GFRA1: variants seen among roughly 807,000 people sequenced by gnomAD.
The protein encoded by GFRA1 is GDNF family receptor alpha 1.
Under a neutral mutation model 51.6 loss-of-function variants are expected in GFRA1, and 16 were observed. That is an observed-to-expected ratio of 0.31 (90% CI 0.21 to 0.47). The LOEUF is 0.47. Ranked by LOEUF, GFRA1 falls within the 20% of genes least tolerant of loss-of-function variation. GFRA1 has a pLI of 1.00. For synonymous variants in GFRA1, 270 were observed against 241.3 expected, an observed-to-expected ratio of 1.12 and a Z score of -1.10; for missense variants, 530 against 594.3, an observed-to-expected ratio of 0.89 and a Z score of 1.13.
intron 4 of GFRA1, among the ~76,000 whole-genome samples, chr10:116,260,415 T>G (rs1315376058): frequency 2.0e-5 from 3 of 152,234 alleles, no homozygotes; most frequent in Non-Finnish European, 4.4e-5. Context: ...TATACGTGTT[T>G]ATAAAGATGT....
chr10:116,255,832 G>A, intron 4 of GFRA1: 1 of 997,472 alleles, frequency 1.0e-6, no homozygotes, highest in Non-Finnish European at 1.4e-6. Flanking sequence ...AAAAACCTGA[G>A]TTACTGCTTA....
At chr10:116,188,778 G>A (rs1431642521) in intron 5 of GFRA1, among the ~76,000 whole-genome samples, 1 of 151,778 alleles carries the variant, frequency 6.6e-6, no homozygotes, top group African/African-American at 2.4e-5. Context: ...GTGCATGCCT[G>A]TAATCCCAGC....
intron 5 of GFRA1, among the ~76,000 whole-genome samples, chr10:116,180,325 A>T (rs183682504): frequency 1.6e-4 from 25 of 152,308 alleles, no homozygotes; most frequent in African/African-American, 4.3e-4. Flanking sequence ...ATACAAGCCA[A>T]ATACTTATAC....
intron 5 of GFRA1, among the ~76,000 whole-genome samples, chr10:116,208,873 C>T (rs191488208): frequency 6.6e-6 from 1 of 152,326 alleles, no homozygotes; most frequent in Non-Finnish European, 1.5e-5. Context: ...CCTAGACACA[C>T]ATGCACATAC....
intron 4 of GFRA1, among the ~76,000 whole-genome samples, chr10:116,247,235 C>T (rs962809160): frequency 2.0e-5 from 3 of 152,126 alleles, no homozygotes; most frequent in African/African-American, 4.8e-5. Flanking sequence ...CACTCCATGT[C>T]CTCAATTCAT....
intron 4 of GFRA1, among the ~76,000 whole-genome samples, chr10:116,224,495 AAAT>A (rs1456055075): frequency 6.6e-6 from 1 of 152,246 alleles, no homozygotes; most frequent in Non-Finnish European, 1.5e-5. Flanking sequence ...CCACACAATG[AAAT>A]AATATTTGGC....
intron 9 of GFRA1, among the ~76,000 whole-genome samples, chr10:116,069,448 G>C (rs568246461): frequency 1.6e-3 from 238 of 152,150 alleles, no homozygotes; most frequent in African/African-American, 5.6e-3. Flanking sequence ...CAAACCAAAC[G>C]CCTTCCCTAC....
intron 9 of GFRA1, among the ~76,000 whole-genome samples, chr10:116,084,598 C>A (rs143950355): frequency 1.3e-5 from 2 of 152,162 alleles, no homozygotes; most frequent in Non-Finnish European, 2.9e-5. Context: ...AGTCCCAAGG[C>A]TATAGCTCCC....
At chr10:116,073,648 G>T (rs1955498732) in intron 9 of GFRA1, among the ~76,000 whole-genome samples, 1 of 152,146 alleles carries the variant, frequency 6.6e-6, no homozygotes, top group Admixed American at 6.5e-5. Context: ...TTCTCAGAAT[G>T]TGCAGTTGGG....
At chr10:116,111,790 T>C (rs776747897) in intron 6 of GFRA1, among the ~76,000 whole-genome samples, 2 of 152,142 alleles carry the variant, frequency 1.3e-5, no homozygotes, top group Non-Finnish European at 2.9e-5. Context: ...CTAGACCTCA[T>C]GAATAGAAAA....
rs565582031 is a variant in GFRA1 at position 116,235,448 on chromosome 10, A to G, written c.419-23803T>C. On this transcript the variant is annotated intron_variant, in intron 4 of 10. Coordinates refer to ENST00000355422, the MANE Select transcript of GFRA1 (RefSeq NM_005264.8). ...AATCCCTTGCTAAAGTCCTGCACCA[A>G]AACTGCTGCCCCTCTAAGCACCAAG... Among the ~76,000 whole-genome samples, 88 of 152,234 alleles carry G rather than the reference A, an allele frequency of 5.8e-4. 1 individual carries two copies. Among genetic ancestry groups the G allele is most frequent in the Middle Eastern group, 6.8e-3 (2 of 294 alleles).
At chr10:116,201,885 T>C (rs1964362513) in intron 5 of GFRA1, among the ~76,000 whole-genome samples, 1 of 152,116 alleles carries the variant, frequency 6.6e-6, no homozygotes, top group South Asian at 2.1e-4. Context: ...GATTTTTGGA[T>C]CCAAGAATAA....
intron 9 of GFRA1, among the ~76,000 whole-genome samples, chr10:116,083,434 C>A (rs1955945576): frequency 1.3e-5 from 2 of 152,226 alleles, no homozygotes; most frequent in African/African-American, 4.8e-5. Flanking sequence ...CCAAAGCATC[C>A]CATTGCTCTG....
At chr10:116,133,844 AT>A (rs1958208167) in intron 5 of GFRA1, among the ~76,000 whole-genome samples, 1 of 152,332 alleles carries the variant, frequency 6.6e-6, no homozygotes, top group East Asian at 1.9e-4. Flanking sequence ...AGTGTCAGGG[AT>A]GAATTATGTC....
chr10:116,094,138 T>C (rs1233385291), intron 7 of GFRA1, among the ~76,000 whole-genome samples: 1 of 152,196 alleles, frequency 6.6e-6, no homozygotes, highest in Admixed American at 6.5e-5. Context: ...AGAGAACGCA[T>C]GAGTTGCCAA....
rs1844028757 is a variant in GFRA1, at chr10:116,272,408, T to A, written c.-246-133A>T. 1 of 354,124 alleles carries A rather than the reference T, an allele frequency of 2.8e-6. No homozygotes were observed. Among genetic ancestry groups the A allele is most frequent in the Admixed American group, 4.0e-5 (1 of 24,756 alleles). The allele number at this position is 354,124 out of a possible 1,614,324, so 21.9% of individuals were successfully genotyped here. A position where few individuals can be genotyped will look rare whatever the true frequency, so the allele number is the denominator to read the frequency against. ...GGGTGAGGACCCACCCCCACCCAGG[T>A]CGGGGTGCATGTGCGTGTTTTCCAG... On this transcript the variant is annotated intron_variant, in intron 1 of 10. Coordinates refer to ENST00000355422, the MANE Select transcript of GFRA1 (RefSeq NM_005264.8). The surrounding 1 kb of genome is among the most constrained non-coding windows in gnomAD (Gnocchi z 4.4).
chr10:116,144,380 A>T (rs923498832), intron 5 of GFRA1, among the ~76,000 whole-genome samples: 6 of 152,232 alleles, frequency 3.9e-5, no homozygotes, highest in African/African-American at 1.4e-4. Context: ...TACACATTCA[A>T]ATTCAATTCA....
intron 5 of GFRA1, among the ~76,000 whole-genome samples, chr10:116,142,367 T>C (rs1471291417): frequency 1.3e-5 from 2 of 152,232 alleles, no homozygotes; most frequent in East Asian, 3.8e-4. Context: ...AAAAGCCCTG[T>C]GCATCTTTCA....
At position 116,254,426 on chromosome 10, in the gene GFRA1, C is replaced by T. The variant is rs147986233; in HGVS notation, c.418+15077G>A. ...GTGGCTTATGCCTATAATCCCAACACTTTGAGAGGCCAAGGCAGGAGGATT... is the reference window on the plus strand; with the variant it reads ...GTGGCTTATGCCTATAATCCCAACATTTTGAGAGGCCAAGGCAGGAGGATT... On this transcript the variant is annotated intron_variant, in intron 4 of 10. Transcript: ENST00000355422. 5.8e-3 allele frequency among the ~76,000 whole-genome samples: 877 copies of T among 151,540 alleles called. 5 individuals carry two copies. The highest frequency in any genetic ancestry group is 0.02 in the African/African-American group (818 of 41,318).
Sources: gnomAD v4.1 joint callset for allele counts (sites outside exome capture counted in the v4.1 genomes callset) on GRCh38, gnomAD v4.1.1 for gene constraint, Gnocchi (gnomAD v3.1) non-coding constraint, MANE v1.5 for transcripts, NCBI Gene and HGNC (gene_info 2026-07-23, HGNC 2026-07-21) for gene names.